The following KLF13 variants were observed in gnomAD, a reference collection of about 807,000 sequenced individuals.
The protein encoded by KLF13 is KLF transcription factor 13.
A neutral mutation model predicts 16.7 loss-of-function variants in KLF13; 8 were observed. The ratio of observed to expected loss-of-function variants is 0.48; its 90% CI spans 0.28 to 0.87. The LOEUF (loss-of-function observed/expected upper bound fraction) is 0.87, where lower values mean the gene tolerates loss of function less well. Ranked by LOEUF, KLF13 falls within the 40% of genes least tolerant of loss-of-function variation. The pLI is 0.10. For missense variants in KLF13, 447 were observed against 452.2 expected (o/e 0.99, Z 0.10); for synonymous variants, 245 against 208.4 (o/e 1.18, Z -1.51).
chr15:31,416,521 C>G (rs932801628), intron 1 of KLF13, among the ~76,000 whole-genome samples: 1 of 152,102 alleles, frequency 6.6e-6, no homozygotes, highest in Non-Finnish European at 1.5e-5. Flanking sequence ...ATACATCACA[C>G]AATAGATTAA....
intron 1 of KLF13, among the ~76,000 whole-genome samples, chr15:31,426,280 G>T: frequency 6.6e-6 from 1 of 152,102 alleles, no homozygotes; most frequent in Non-Finnish European, 1.5e-5. Flanking sequence ...AATGAAATTT[G>T]ATTCTTATAT....
At chr15:31,339,829 T>C in intron 1 of KLF13, 1 of 647,710 alleles carries the variant, frequency 1.5e-6, no homozygotes. Flanking sequence ...CCCCGCCTGC[T>C]GTCTCGTGGG....
intron 1 of KLF13, among the ~76,000 whole-genome samples, chr15:31,365,612 G>C (rs2039455202): frequency 6.6e-6 from 1 of 151,810 alleles, no homozygotes; most frequent in African/African-American, 2.4e-5. Context: ...AGCCGGGTGG[G>C]GTGGGGGGGC....
intron 1 of KLF13, chr15:31,393,363 C>A (rs1198114197): frequency 6.5e-6 from 1 of 152,800 alleles, no homozygotes; most frequent in Non-Finnish European, 1.5e-5. Flanking sequence ...CCACTGCTCC[C>A]CCATGAGAGG....
chr15:31,395,808 A>C (rs2039945059), intron 2 of KLF13, among the ~76,000 whole-genome samples: 1 of 152,240 alleles, frequency 6.6e-6, no homozygotes, highest in South Asian at 2.1e-4. Context: ...GATAAAATAA[A>C]AATGGGGGAG....
chr15:31,369,653 C>T (rs1014553632), intron 1 of KLF13, among the ~76,000 whole-genome samples: 5 of 152,156 alleles, frequency 3.3e-5, no homozygotes, highest in Non-Finnish European at 7.3e-5. Flanking sequence ...TGGAATTTTC[C>T]CCCGTGAGTC....
At chr15:31,383,517 AGGGTC>A (rs1161822321) in intron 1 of KLF13, among the ~76,000 whole-genome samples, 1 of 152,272 alleles carries the variant, frequency 6.6e-6, no homozygotes. Context: ...TGCTGAGGAC[AGGGTC>A]GCACTCACAC....
At chr15:31,351,065 G>A (rs962886978) in intron 1 of KLF13, among the ~76,000 whole-genome samples, 10 of 152,192 alleles carry the variant, frequency 6.6e-5, no homozygotes, top group Non-Finnish European at 1.3e-4. Context: ...TGGACCTGGC[G>A]CAGATTCTGA....
upstream of KLF13, among the ~76,000 whole-genome samples, chr15:31,392,593 G>C (rs903831365): frequency 6.6e-6 from 1 of 152,200 alleles, no homozygotes; most frequent in East Asian, 1.9e-4. Context: ...CACGGGACTC[G>C]GCTCTTCCTC....
Position 31,373,003 on chromosome 15 carries a change from G to C in KLF13, c.*704G>C, listed in dbSNP as rs2039581475. The C allele has an allele frequency of 6.6e-6, 1 of 152,482 alleles. No individual in the cohort carries two copies. Among genetic ancestry groups the C allele is most frequent in the Admixed American group, 6.5e-5 (1 of 15,290 alleles). The allele number at this position is 152,482 out of a possible 1,614,324, so 9.4% of individuals were successfully genotyped here. ...CCCGCCTTCAGGAGCCCTCTCCTAC[G>C]GCGCTAGGGAGCACTGGAAGCAGAG... On this transcript the variant is annotated 3_prime_UTR_variant, in exon 2 of 2. Transcript: ENST00000307145.
At chr15:31,345,987 G>A (rs944732951) in intron 1 of KLF13, among the ~76,000 whole-genome samples, 52 of 152,040 alleles carry the variant, frequency 3.4e-4, no homozygotes, top group African/African-American at 1.3e-3. Flanking sequence ...GAGCTCAGAG[G>A]GAGTGCAGCT....
At chr15:31,400,055 C>G (rs533390809) in intron 2 of KLF13, among the ~76,000 whole-genome samples, 8 of 152,326 alleles carry the variant, frequency 5.3e-5, no homozygotes, top group African/African-American at 2.4e-5. Flanking sequence ...ACAGAGGCCA[C>G]AGCACATAGT....
Position 31,423,151 on chromosome 15 carries a change from ATACGTATATATATG to A in KLF13, n.118-12216_118-12203del, listed in dbSNP as rs1428146656. ...TATATACGTATACGTATACGTATAT[ATACGTATATATATG>A]TATATATATACATATATACGTATAT... On this transcript the variant is annotated intron_variant and non_coding_transcript_variant, in intron 1 of 1. Transcript: ENST00000558225. Among the ~76,000 whole-genome samples the A allele has an allele frequency of 5.0e-5, 6 of 120,144 alleles. 2 individuals are homozygous for A. The highest frequency in any genetic ancestry group is 2.5e-4 in the African/African-American group (6 of 23,576). The allele number at this position is 120,144 out of a possible 152,430, so 78.8% of individuals were successfully genotyped here.
At chr15:31,343,828 T>C (rs945057760) in intron 1 of KLF13, among the ~76,000 whole-genome samples, 1 of 152,008 alleles carries the variant, frequency 6.6e-6, no homozygotes, top group Non-Finnish European at 1.5e-5. Context: ...CTTGGAGAGG[T>C]CTGAGGCTCT....
intron 1 of KLF13, among the ~76,000 whole-genome samples, chr15:31,419,214 C>A (rs1378398317): frequency 1.3e-5 from 2 of 152,046 alleles, no homozygotes; most frequent in Non-Finnish European, 2.9e-5. Context: ...GAAGAGTTGC[C>A]TGTTTTTCAA....
intron 1 of KLF13, among the ~76,000 whole-genome samples, chr15:31,434,065 C>T (rs1478341647): frequency 6.6e-6 from 1 of 152,192 alleles, no homozygotes; most frequent in Non-Finnish European, 1.5e-5. Flanking sequence ...GAGAGATTCC[C>T]ACCTAGTGGA....
intron 1 of KLF13, among the ~76,000 whole-genome samples, chr15:31,419,236 C>A (rs1384303047): frequency 6.6e-6 from 1 of 151,756 alleles, no homozygotes; most frequent in Admixed American, 6.6e-5. Context: ...AGCACAAATC[C>A]CAGTAAAAAA....
At chr15:31,424,875 T>TCACACACA (rs71110875) in intron 1 of KLF13, among the ~76,000 whole-genome samples, 57,418 of 146,016 alleles carry the variant, frequency 0.39, 12,037 homozygotes, top group East Asian at 0.64. Context: ...TCTAGAGATT[T>TCACACACA]CACACACACA....
chr15:31,344,977 G>T (rs555362341), intron 1 of KLF13, among the ~76,000 whole-genome samples: 6 of 152,304 alleles, frequency 3.9e-5, no homozygotes, highest in African/African-American at 1.4e-4. Context: ...CTGGGGGCTG[G>T]CCAGGGAGTG....
Sources: allele counts gnomAD v4.1 joint callset (sites outside exome capture counted in the v4.1 genomes callset), GRCh38; gene constraint gnomAD v4.1.1; transcripts MANE v1.5; gene names NCBI Gene and HGNC (gene_info 2026-07-23, HGNC 2026-07-21).